SLC10A7: variants seen among roughly 807,000 people sequenced by gnomAD.
SLC10A7 encodes solute carrier family 10 member 7, also known as sodium/bile acid cotransporter 7.
A neutral mutation model predicts 43.2 loss-of-function variants in SLC10A7; 29 were observed. That is an observed-to-expected ratio of 0.67 (90% confidence interval 0.50 to 0.92). The LOEUF (loss-of-function observed/expected upper bound fraction) is 0.92, where lower values mean the gene tolerates loss of function less well. Among genes scored for constraint, SLC10A7 ranks in the 40% least tolerant of loss-of-function variants. SLC10A7 has a pLI of 0.00. For synonymous variants in SLC10A7, 152 were observed against 144.8 expected (o/e 1.05, Z -0.35); for missense variants, 295 against 403.2 (o/e 0.73, Z 2.30).
At chr4:146,395,375 G>A (rs367794028) in intron 5 of SLC10A7, among the ~76,000 whole-genome samples, 2 of 152,114 alleles carry the variant, frequency 1.3e-5, no homozygotes, top group Non-Finnish European at 2.9e-5. Flanking sequence ...AGGTAACAGA[G>A]CAAAACACTG....
chr4:146,391,252 C>T (rs1037962523), intron 5 of SLC10A7, among the ~76,000 whole-genome samples: 13 of 152,000 alleles, frequency 8.6e-5, no homozygotes, highest in African/African-American at 3.1e-4. Context: ...TAAAATATAC[C>T]AGTTTTTAAA....
At chr4:146,365,422 G>A (rs542927143) in intron 5 of SLC10A7, among the ~76,000 whole-genome samples, 4 of 152,310 alleles carry the variant, frequency 2.6e-5, no homozygotes, top group African/African-American at 9.6e-5. Flanking sequence ...CAGCATGGTT[G>A]ATAGTAGCTG....
Position 146,517,122 on chromosome 4 carries a change from T to C in SLC10A7, c.101-2A>G. ...CAGTTATTTCTGGCTTCAGTGGTCC[T>C]AAAAAGAGAAAAAAGAGTTATTGCT... On this transcript the variant is annotated splice_acceptor_variant, in intron 1 of 11. Transcript: ENST00000335472. LOFTEE classifies it high-confidence loss of function. 6.3e-7 allele frequency: 1 copy of C among 1,596,636 alleles called. No individual in the cohort carries two copies.
rs527499718 is a variant in SLC10A7 at position 146,498,243 on chromosome 4, G to A, written c.396+5606C>T. On this transcript the variant is annotated intron_variant, in intron 4 of 11. Transcript: ENST00000335472. ...AGCAATTCTTCTGCCTTAGCCTCCC[G>A]AGTAGCTGGGATTACAGGCACATGA... is the stretch of plus-strand genomic sequence containing the variant. 3.3e-5 allele frequency among the ~76,000 whole-genome samples: 5 copies of A among 151,844 alleles called. No homozygotes were observed. The South Asian group carries it at 8.3e-4, about 25-fold the overall frequency.
rs182871572 is a variant in SLC10A7 at position 146,337,945 on chromosome 4, G to A, written c.436-11949C>T. ...CGATTACATATATAACTTGCCACTG[G>A]TGTTGGAATACATGAAAATAAGGCA... On this transcript the variant is annotated intron_variant, in intron 5 of 11. Coordinates refer to ENST00000335472, the MANE Select transcript of SLC10A7 (RefSeq NM_001029998.6). Among the ~76,000 whole-genome samples, 308 of 152,046 alleles carry A rather than the reference G, an allele frequency of 2.0e-3. 2 individuals are homozygous for A. The highest frequency in any genetic ancestry group is 3.7e-3 in the Non-Finnish European group (248 of 67,906).
intron 5 of SLC10A7, among the ~76,000 whole-genome samples, chr4:146,368,824 T>C (rs1395820787): frequency 6.6e-6 from 1 of 152,204 alleles, no homozygotes; most frequent in Non-Finnish European, 1.5e-5. Context: ...CTCCTACTAG[T>C]TAGTGTCTAG....
chr4:146,376,419 T>C (rs888055813), intron 5 of SLC10A7, among the ~76,000 whole-genome samples: 1 of 151,940 alleles, frequency 6.6e-6, no homozygotes, highest in African/African-American at 2.4e-5. Flanking sequence ...TGTTGCTTTT[T>C]CCAAAACCAC....
intron 5 of SLC10A7, among the ~76,000 whole-genome samples, chr4:146,435,584 A>G (rs1730144153): frequency 6.6e-6 from 1 of 152,212 alleles, no homozygotes; most frequent in African/African-American, 2.4e-5. Context: ...TCACCACACT[A>G]TTATGCCAGA....
chr4:146,470,582 A>G (rs11940327), intron 4 of SLC10A7, among the ~76,000 whole-genome samples: 122,515 of 152,078 alleles, frequency 0.81, 49,836 homozygotes, highest in East Asian at 0.96. Flanking sequence ...TTTTGGAAAG[A>G]AGTCTTTTTT....
At chr4:146,515,843 G>A (rs1381410147) in intron 2 of SLC10A7, among the ~76,000 whole-genome samples, 1 of 150,708 alleles carries the variant, frequency 6.6e-6, no homozygotes, top group African/African-American at 2.4e-5. Flanking sequence ...CCGGGAGGCG[G>A]AGGTTGCAGT....
At chr4:146,389,679 G>A (rs1738273478) in intron 5 of SLC10A7, among the ~76,000 whole-genome samples, 1 of 152,196 alleles carries the variant, frequency 6.6e-6, no homozygotes, top group South Asian at 2.1e-4. Flanking sequence ...GTGTCTTTAT[G>A]ACCAGGGTTG....
chr4:146,259,039 A>C (rs1457275196), intron 10 of SLC10A7, among the ~76,000 whole-genome samples: 2 of 152,238 alleles, frequency 1.3e-5, no homozygotes, highest in African/African-American at 4.8e-5. Flanking sequence ...TAACTAGGAT[A>C]AGGTGGAAAG....
intron 5 of SLC10A7, among the ~76,000 whole-genome samples, chr4:146,418,784 C>T (rs1035519204): frequency 2.0e-5 from 3 of 152,130 alleles, no homozygotes; most frequent in Admixed American, 1.3e-4. Context: ...AGTGTCAGAT[C>T]CCAAAGGTGG....
intron 11 of SLC10A7, chr4:146,256,887 C>T (rs1189296214): frequency 6.5e-7 from 1 of 1,536,336 alleles, no homozygotes; most frequent in African/African-American, 1.4e-5. Context: ...ATATTCCAAG[C>T]CTTCTGGATT....
chr4:146,459,216 G>C (rs1302461738), intron 4 of SLC10A7, among the ~76,000 whole-genome samples: 1 of 151,696 alleles, frequency 6.6e-6, no homozygotes, highest in Non-Finnish European at 1.5e-5. Context: ...GACTTAAATA[G>C]AGAGATATGG....
intron 5 of SLC10A7, among the ~76,000 whole-genome samples, chr4:146,330,785 G>A (rs1025154725): frequency 2.0e-5 from 3 of 152,172 alleles, no homozygotes; most frequent in Non-Finnish European, 4.4e-5. Context: ...TGTGATGGCT[G>A]TGCCTTTGCC....
chr4:146,480,510 T>C (rs1205458877), intron 4 of SLC10A7, among the ~76,000 whole-genome samples: 6 of 152,152 alleles, frequency 3.9e-5, no homozygotes, highest in Admixed American at 3.9e-4. Context: ...TCCATTGTCA[T>C]TAGCAGGCAT....
At chr4:146,322,150 T>C (rs180763914) in intron 6 of SLC10A7, among the ~76,000 whole-genome samples, 30 of 152,244 alleles carry the variant, frequency 2.0e-4, no homozygotes, top group Admixed American at 1.2e-3. Flanking sequence ...AATAAAGTGA[T>C]GCCATAATTT....
At chr4:146,498,114 CTT>C (rs201706885) in intron 4 of SLC10A7, among the ~76,000 whole-genome samples, 46 of 143,738 alleles carry the variant, frequency 3.2e-4, no homozygotes, top group South Asian at 1.5e-3. Context: ...ACTCTTATTA[CTT>C]TTTTTTTTTT....
Sources: allele counts gnomAD v4.1 joint callset (sites outside exome capture counted in the v4.1 genomes callset), GRCh38; gene constraint gnomAD v4.1.1; transcripts MANE v1.5; gene names NCBI Gene and HGNC (gene_info 2026-07-23, HGNC 2026-07-21).